Variants in SPIRE1 observed in about 807,000 individuals in gnomAD.
The protein encoded by SPIRE1 is protein spire homolog 1.
A neutral mutation model predicts 94.1 loss-of-function variants in SPIRE1; 40 were observed. The observed-to-expected ratio is 0.43, with a 90% CI of 0.33 to 0.55. SPIRE1 has a LOEUF of 0.55. Among genes scored for constraint, SPIRE1 ranks in the 20% least tolerant of loss-of-function variants. SPIRE1 has a pLI of 0.06. For synonymous variants in SPIRE1, 376 were observed against 371.7 expected, an observed-to-expected ratio of 1.01 and a Z score of -0.13; for missense variants, 838 against 975.2, an observed-to-expected ratio of 0.86 and a Z score of 1.87.
At chr18:12,660,383 G>A (rs1034299777), upstream of SPIRE1, among the ~76,000 whole-genome samples, 3 of 149,668 alleles carry the variant, frequency 2.0e-5, no homozygotes, top group East Asian at 3.9e-4. Context: ...GGTCAGTGCC[G>A]CGATTTCAGC....
Position 12,449,199 on chromosome 18 carries a change from A to AT in SPIRE1, c.*438_*439insA. ...AGTGTAGGGCTCTGGATCTCTCTGT[A>AT]CACGGGATAGAAACACAGTCACGTG... is the stretch of plus-strand genomic sequence containing the variant. On this transcript the variant is annotated 3_prime_UTR_variant, in exon 17 of 17. Transcript: ENST00000409402. The AT allele has an allele frequency of 1.7e-5, 3 of 172,094 alleles. No homozygotes were observed. The highest frequency in any genetic ancestry group is 1.5e-4 in the South Asian group (1 of 6,770). 10.7% of individuals were successfully genotyped at this position (172,094 alleles called of 1,614,324 possible). A position where few individuals can be genotyped will look rare whatever the true frequency, so the allele number is the denominator to read the frequency against.
intron 8 of SPIRE1, among the ~76,000 whole-genome samples, 162 bp from the exon 9 acceptor site, chr18:12,486,162 C>G (rs1369305979): frequency 6.6e-6 from 1 of 152,062 alleles, no homozygotes; most frequent in Non-Finnish European, 1.5e-5. Context: ...TACATTAAAA[C>G]CATGCAAGAG....
chr18:12,651,798 TG>T (rs1373476849), intron 1 of SPIRE1, among the ~76,000 whole-genome samples: 1 of 152,224 alleles, frequency 6.6e-6, no homozygotes, highest in Non-Finnish European at 1.5e-5. Context: ...GCATGAACCT[TG>T]CTGAGAAGCT....
intron 2 of SPIRE1, among the ~76,000 whole-genome samples, chr18:12,577,801 A>ATATG (rs1338718794): frequency 6.6e-6 from 1 of 152,264 alleles, no homozygotes; most frequent in Non-Finnish European, 1.5e-5. Flanking sequence ...TATTTTACAT[A>ATATG]TATGTGTATT....
At chr18:12,482,308 A>C (rs556489771) in intron 9 of SPIRE1, among the ~76,000 whole-genome samples, 1 of 152,044 alleles carries the variant, frequency 6.6e-6, no homozygotes, top group African/African-American at 2.4e-5. Flanking sequence ...ACGCCCAGCT[A>C]ATTTTTTTGT....
rs185960980 is a variant in SPIRE1 at position 12,565,666 on chromosome 18, G to A, written c.373-18762C>T. 3.5e-4 allele frequency among the ~76,000 whole-genome samples: 53 copies of A among 151,388 alleles called. 1 individual carries two copies. Among genetic ancestry groups the A allele is most frequent in the African/African-American group, 1.1e-3 (47 of 41,354 alleles). ...TGGGATTACAGGTGTGAGCCACTGC[G>A]CCCGGCCAAGACTTTTCAAACAAAT... On this transcript the variant is annotated intron_variant, in intron 2 of 16. Coordinates refer to ENST00000409402, the MANE Select transcript of SPIRE1 (RefSeq NM_001128626.2).
chr18:12,615,092 A>C (rs1371950801), intron 2 of SPIRE1, among the ~76,000 whole-genome samples: 2 of 151,472 alleles, frequency 1.3e-5, no homozygotes, highest in Admixed American at 6.6e-5. Context: ...TGGGAGGCTG[A>C]GGCATGCGGA....
chr18:12,535,423 C>T, intron 4 of SPIRE1, 53 bp downstream of exon 4: 17 of 1,558,484 alleles, frequency 1.1e-5, no homozygotes, highest in Non-Finnish European at 1.5e-5. Flanking sequence ...CAACAAATAT[C>T]AAATGCATGC....
chr18:12,462,288 T>G (rs996223366), intron 12 of SPIRE1, among the ~76,000 whole-genome samples: 1 of 152,264 alleles, frequency 6.6e-6, no homozygotes, highest in Admixed American at 6.5e-5. Flanking sequence ...ATTGAAACTC[T>G]AATAATTCAT....
chr18:12,582,027 T>C (rs1356843184), intron 2 of SPIRE1, among the ~76,000 whole-genome samples: 2 of 152,284 alleles, frequency 1.3e-5, no homozygotes, highest in East Asian at 3.9e-4. Flanking sequence ...TAAAGGCAAA[T>C]GAATTTCCTA....
intron 1 of SPIRE1, among the ~76,000 whole-genome samples, chr18:12,643,391 G>A (rs999785292): frequency 6.6e-6 from 1 of 152,210 alleles, no homozygotes; most frequent in Non-Finnish European, 1.5e-5. Context: ...GTTCTAGCAG[G>A]TGACAATCCC....
intron 4 of SPIRE1, among the ~76,000 whole-genome samples, chr18:12,525,311 T>C (rs952117454): frequency 7.1e-6 from 1 of 141,270 alleles, no homozygotes; most frequent in Non-Finnish European, 1.5e-5. Context: ...ATAATAATAA[T>C]AATAATAACA....
At chr18:12,509,253 GTGA>G (rs1035406026) in intron 5 of SPIRE1, among the ~76,000 whole-genome samples, 1 of 152,160 alleles carries the variant, frequency 6.6e-6, no homozygotes, top group Non-Finnish European at 1.5e-5. Flanking sequence ...GAGGAAGCTG[GTGA>G]TCTACGCAAA....
intron 2 of SPIRE1, among the ~76,000 whole-genome samples, chr18:12,556,778 G>T (rs754464641): frequency 6.6e-6 from 1 of 152,158 alleles, no homozygotes; most frequent in Non-Finnish European, 1.5e-5. Context: ...TCATAAAGGT[G>T]GTGAGGACCC....
intron 4 of SPIRE1, among the ~76,000 whole-genome samples, chr18:12,523,981 A>T (rs932070479): frequency 1.3e-5 from 2 of 152,208 alleles, no homozygotes; most frequent in African/African-American, 4.8e-5. Context: ...TGCACATTTA[A>T]TAGACTATAA....
At chr18:12,610,255 C>T (rs371748218) in intron 2 of SPIRE1, among the ~76,000 whole-genome samples, 44 of 152,196 alleles carry the variant, frequency 2.9e-4, no homozygotes, top group African/African-American at 1.0e-3. Flanking sequence ...AATATTGTGG[C>T]CTCTCCTGTC....
chr18:12,541,291 T>A (rs1189485455), intron 3 of SPIRE1, among the ~76,000 whole-genome samples: 1 of 152,226 alleles, frequency 6.6e-6, no homozygotes, highest in African/African-American at 2.4e-5. Flanking sequence ...GTTCCATGTA[T>A]ACCTGAAAAG....
intron 2 of SPIRE1, among the ~76,000 whole-genome samples, chr18:12,604,120 G>A (rs1009318968): frequency 6.6e-6 from 1 of 152,086 alleles, no homozygotes; most frequent in Admixed American, 6.5e-5. Context: ...CTGTTTCCCT[G>A]AGTTCTGAGA....
chr18:12,467,390 C>T (rs2032157916), intron 10 of SPIRE1, among the ~76,000 whole-genome samples: 1 of 152,192 alleles, frequency 6.6e-6, no homozygotes, highest in South Asian at 2.1e-4. Flanking sequence ...ATCCCAGATA[C>T]GATGTAGGTC....
Sources: allele counts gnomAD v4.1 joint callset (sites outside exome capture counted in the v4.1 genomes callset), GRCh38; gene constraint gnomAD v4.1.1; transcripts MANE v1.5; gene names NCBI Gene and HGNC (gene_info 2026-07-23, HGNC 2026-07-21).